VSX2: variants seen among roughly 807,000 people sequenced by gnomAD.
The protein encoded by VSX2 is visual system homeobox 2, also known as ceh-10 homeo domain containing homolog.
In VSX2, 28 loss-of-function variants were observed where a neutral mutation model predicts 32.1. The ratio of observed to expected loss-of-function variants is 0.87; its 90% CI spans 0.65 to 1.20. The LOEUF (loss-of-function observed/expected upper bound fraction) is 1.20. Ranked by LOEUF, VSX2 falls within the 50% of genes most tolerant of loss-of-function variation. The probability of loss-of-function intolerance (pLI) is 0.00; values close to 1 mark genes in which losing one functional copy is unlikely to be tolerated. For missense variants in VSX2, 506 were observed against 488.7 expected (o/e 1.04, Z -0.33); for synonymous variants, 243 against 214.1 (o/e 1.14, Z -1.18).
At chr14:74,251,548 T>C (rs2079229262) in intron 3 of VSX2, among the ~76,000 whole-genome samples, 1 of 152,236 alleles carries the variant, frequency 6.6e-6, no homozygotes, top group African/African-American at 2.4e-5. Context: ...GCAGTGAATG[T>C]AAACACACTG....
intron 3 of VSX2, among the ~76,000 whole-genome samples, chr14:74,250,974 C>A (rs2079224542): frequency 6.6e-6 from 1 of 151,686 alleles, no homozygotes; most frequent in Non-Finnish European, 1.5e-5. Flanking sequence ...AATGCCCATG[C>A]GCTCCCCCGG....
intron 3 of VSX2, among the ~76,000 whole-genome samples, chr14:74,246,907 A>G (rs1329792330): frequency 6.6e-6 from 1 of 152,094 alleles, no homozygotes; most frequent in Non-Finnish European, 1.5e-5. Flanking sequence ...CTGTAACTGC[A>G]TTGCTACGAA....
intron 3 of VSX2, among the ~76,000 whole-genome samples, chr14:74,251,144 G>T (rs934585427): frequency 1.3e-5 from 2 of 151,746 alleles, no homozygotes; most frequent in African/African-American, 4.8e-5. Context: ...ATGAAACCTC[G>T]TCTCTACTAA....
intron 2 of VSX2, among the ~76,000 whole-genome samples, chr14:74,244,421 G>A: frequency 6.6e-6 from 1 of 152,100 alleles, no homozygotes; most frequent in East Asian, 1.9e-4. Context: ...TGGGAGGCTG[G>A]TAGGTCTGGG....
At chr14:74,255,675 G>A (rs2139642958) in intron 3 of VSX2, among the ~76,000 whole-genome samples, 1 of 152,290 alleles carries the variant, frequency 6.6e-6, no homozygotes, top group Middle Eastern at 3.4e-3. Context: ...CTGAGAAACT[G>A]CGCCATCTCA....
At chr14:74,248,407 C>T (rs1054392221) in intron 3 of VSX2, among the ~76,000 whole-genome samples, 1 of 150,762 alleles carries the variant, frequency 6.6e-6, no homozygotes, top group African/African-American at 2.4e-5. Context: ...AAATTCCTGG[C>T]CAGGTGCAGG....
rs868195576 is a variant in VSX2, at chr14:74,244,921, T to A, written c.456-244T>A. On this transcript the variant is annotated intron_variant, in intron 2 of 4. Coordinates refer to ENST00000261980, the MANE Select transcript of VSX2 (RefSeq NM_182894.3). ...GTGTGTGTGTGTGTGTGTGTGTGTG[T>A]GTGTGTGTGAAAGAGAGAGAGAAAG... is the stretch of plus-strand genomic sequence containing the variant. Among the ~76,000 whole-genome samples the A allele has an allele frequency of 0.068, 2,465 of 36,410 alleles. 146 individuals are homozygous for A. Among genetic ancestry groups the A allele is most frequent in the Admixed American group, 0.22 (701 of 3,142 alleles). The allele number at this position is 36,410 out of a possible 152,430, so 23.9% of individuals were successfully genotyped here. A position where few individuals can be genotyped will look rare whatever the true frequency, so the allele number is the denominator to read the frequency against.
intron 3 of VSX2, among the ~76,000 whole-genome samples, chr14:74,259,036 C>T (rs933592746): frequency 2.0e-5 from 3 of 152,142 alleles, no homozygotes; most frequent in Admixed American, 6.5e-5. Flanking sequence ...CCCAGGCCTC[C>T]GAGGGGAGTC....
intron 3 of VSX2, among the ~76,000 whole-genome samples, chr14:74,257,844 C>A (rs536641138): frequency 4.6e-5 from 7 of 152,308 alleles, no homozygotes; most frequent in African/African-American, 1.4e-4. Context: ...AAATCAAATT[C>A]TTCGCCGTAT....
intron 3 of VSX2, among the ~76,000 whole-genome samples, chr14:74,258,555 T>A (rs936381018): frequency 6.6e-6 from 1 of 152,064 alleles, no homozygotes; most frequent in Non-Finnish European, 1.5e-5. Flanking sequence ...CTTTAAGGAC[T>A]GTGAGGGGCG....
intron 3 of VSX2, among the ~76,000 whole-genome samples, chr14:74,250,178 A>G (rs938725501): frequency 2.0e-4 from 30 of 152,052 alleles, no homozygotes; most frequent in Non-Finnish European, 3.8e-4. Flanking sequence ...TCAAGGCTGC[A>G]GTGAGCTGTG....
intron 3 of VSX2, 47 bp downstream of exon 3, chr14:74,245,335 G>A: frequency 6.2e-7 from 1 of 1,610,408 alleles, no homozygotes; most frequent in Admixed American, 1.7e-5. Flanking sequence ...CTCTCTCGGT[G>A]ACATCTACCA....
At chr14:74,247,638 A>C (rs2079201305) in intron 3 of VSX2, among the ~76,000 whole-genome samples, 1 of 152,132 alleles carries the variant, frequency 6.6e-6, no homozygotes, top group Non-Finnish European at 1.5e-5. Context: ...ACAAGACTCA[A>C]ACCTAACTCT....
intron 3 of VSX2, among the ~76,000 whole-genome samples, chr14:74,249,084 A>T (rs2079213735): frequency 6.6e-6 from 1 of 152,246 alleles, no homozygotes; most frequent in Admixed American, 6.5e-5. Context: ...GGAAAGGCAG[A>T]CACACCTACT....
At chr14:74,244,298 C>T (rs933062474) in intron 2 of VSX2, among the ~76,000 whole-genome samples, 38 of 152,244 alleles carry the variant, frequency 2.5e-4, no homozygotes, top group African/African-American at 7.5e-4. Context: ...CTCAGGGTGG[C>T]CCGAATGGAA....
intron 3 of VSX2, among the ~76,000 whole-genome samples, chr14:74,250,508 C>T (rs1315572914): frequency 1.3e-5 from 2 of 152,114 alleles, no homozygotes; most frequent in Non-Finnish European, 1.5e-5. Flanking sequence ...TTAGAAGTCT[C>T]GTGTATGTTG....
chr14:74,260,269 G>A (rs376008636), intron 4 of VSX2, among the ~76,000 whole-genome samples: 40 of 152,312 alleles, frequency 2.6e-4, no homozygotes, highest in African/African-American at 9.1e-4. Context: ...TCTGAGAACA[G>A]CACCAGCTCC....
chr14:74,239,513 TG>T lies in VSX2; in HGVS notation c.-43del, dbSNP rs557085907. 2.0e-6 allele frequency: 3 copies of T among 1,528,528 alleles called. No homozygotes were observed. The highest frequency in any genetic ancestry group is 2.6e-6 in the Non-Finnish European group (3 of 1,136,404). The allele number at this position is 1,528,528 out of a possible 1,614,324, so 94.7% of individuals were successfully genotyped here. ...CGAAGCGGGAAGCCCGGCGGGGGGG[TG>T]GGGGGAGCTAAAGACCTGCGGCCTC... On this transcript the variant is annotated 5_prime_UTR_variant, in exon 1 of 5. Transcript: ENST00000261980.
At chr14:74,254,852 T>C (rs915494099) in intron 3 of VSX2, among the ~76,000 whole-genome samples, 6 of 147,172 alleles carry the variant, frequency 4.1e-5, no homozygotes, top group Non-Finnish European at 8.9e-5. Context: ...TGATCTCGGC[T>C]CACTGCAAGC....
Sources: allele counts gnomAD v4.1 joint callset (sites outside exome capture counted in the v4.1 genomes callset), GRCh38; gene constraint gnomAD v4.1.1; transcripts MANE v1.5; gene names NCBI Gene and HGNC (gene_info 2026-07-23, HGNC 2026-07-21).